Variants in CNTNAP5 observed in about 807,000 individuals in gnomAD.
The protein encoded by CNTNAP5 is contactin-associated protein-like 5.
A neutral mutation model predicts 150.2 loss-of-function variants in CNTNAP5; 72 were observed. That is an observed-to-expected ratio of 0.48 (90% CI 0.40 to 0.58). CNTNAP5 has a LOEUF of 0.58. CNTNAP5 is among the 20% of genes least tolerant of loss of function. The pLI is 0.00. For missense variants in CNTNAP5, 1,636 were observed against 1,626.2 expected (o/e 1.01, Z -0.10); for synonymous variants, 672 against 619.8 (o/e 1.08, Z -1.25).
chr2:124,638,667 C>T (rs1210260920), intron 12 of CNTNAP5, among the ~76,000 whole-genome samples: 1 of 152,128 alleles, frequency 6.6e-6, no homozygotes, highest in Non-Finnish European at 1.5e-5. Context: ...TTCCTATTGC[C>T]TTCATCTTGT....
At chr2:124,419,718 G>C (rs1247079401) in intron 4 of CNTNAP5, among the ~76,000 whole-genome samples, 1 of 152,124 alleles carries the variant, frequency 6.6e-6, no homozygotes, top group Non-Finnish European at 1.5e-5. Context: ...GCCTCAAGCA[G>C]GAACCCTATA....
intron 3 of CNTNAP5, among the ~76,000 whole-genome samples, chr2:124,353,376 AT>A (rs915087632): frequency 2.7e-5 from 4 of 147,748 alleles, no homozygotes; most frequent in Admixed American, 6.8e-5. Context: ...AAAACTGGAG[AT>A]TTTTTTTCTT....
intron 1 of CNTNAP5, among the ~76,000 whole-genome samples, chr2:124,124,051 G>A (rs1683629588): frequency 6.6e-6 from 1 of 152,188 alleles, no homozygotes; most frequent in South Asian, 2.1e-4. Context: ...AAGCTGGATG[G>A]AGAATGATTT....
In CNTNAP5 at chr2:124,660,914, A is replaced by C. The variant is rs1479725849; in HGVS notation, c.2077+12956A>C. Among the ~76,000 whole-genome samples the C allele has an allele frequency of 6.1e-5, 9 of 148,750 alleles. 1 individual carries two copies. In the Admixed American group the frequency reaches 6.1e-4, roughly 10 times the overall value. On this transcript the variant is annotated intron_variant, in intron 13 of 23. Transcript: ENST00000682447. ...AGCCAAGATTTTGCCACTGCACTCC[A>C]GTCTGGGCAACAGAGTGAGACTGGG...
chr2:124,566,611 AAACTCTAT>A (rs1315470846), intron 11 of CNTNAP5, among the ~76,000 whole-genome samples: 1 of 152,222 alleles, frequency 6.6e-6, no homozygotes, highest in Non-Finnish European at 1.5e-5. Context: ...CAACTTTGTG[AAACTCTAT>A]CTTTGCTTCT....
intron 3 of CNTNAP5, among the ~76,000 whole-genome samples, chr2:124,250,899 A>G (rs1435692052): frequency 6.6e-6 from 1 of 152,062 alleles, no homozygotes; most frequent in Non-Finnish European, 1.5e-5. Flanking sequence ...TACAGTAACC[A>G]CAAGTTTCTA....
intron 3 of CNTNAP5, among the ~76,000 whole-genome samples, chr2:124,280,677 G>GCCA (rs1309527345): frequency 6.6e-6 from 1 of 152,014 alleles, no homozygotes; most frequent in African/African-American, 2.4e-5. Flanking sequence ...GTGGCCTCTA[G>GCCA]CTTTGGAGGC....
At chr2:124,150,297 G>T (rs975629465) in intron 1 of CNTNAP5, among the ~76,000 whole-genome samples, 2 of 152,160 alleles carry the variant, frequency 1.3e-5, no homozygotes, top group Non-Finnish European at 2.9e-5. Flanking sequence ...CATGCCCAAG[G>T]TGTATATCCC....
chr2:124,356,677 GT>G (rs1264046771), intron 3 of CNTNAP5, among the ~76,000 whole-genome samples: 1 of 152,000 alleles, frequency 6.6e-6, no homozygotes, highest in Admixed American at 6.5e-5. Flanking sequence ...TGGTGTATAT[GT>G]GCCACATTTT....
chr2:124,551,937 T>C (rs1455401697), intron 10 of CNTNAP5, among the ~76,000 whole-genome samples: 2 of 150,312 alleles, frequency 1.3e-5, no homozygotes, highest in East Asian at 3.9e-4. Context: ...AGGTTGAAGA[T>C]TTTTTTAAGA....
intron 1 of CNTNAP5, among the ~76,000 whole-genome samples, chr2:124,190,801 T>A (rs1043745509): frequency 6.6e-6 from 1 of 152,220 alleles, no homozygotes; most frequent in African/African-American, 2.4e-5. Context: ...ACATATGTTG[T>A]GTATACATAT....
At chr2:124,892,832 G>A (rs983920462) in intron 21 of CNTNAP5, among the ~76,000 whole-genome samples, 2 of 152,092 alleles carry the variant, frequency 1.3e-5, no homozygotes, top group Non-Finnish European at 2.9e-5. Context: ...AGAAATCCCA[G>A]AAATATGTTT....
At chr2:124,316,825 A>G (rs868722949) in intron 3 of CNTNAP5, among the ~76,000 whole-genome samples, 112 of 149,574 alleles carry the variant, frequency 7.5e-4, no homozygotes, top group South Asian at 1.7e-3. Flanking sequence ...AAAAAAAAAA[A>G]AAAGAAAAAG....
At chr2:124,539,811 CAT>C (rs1695336790) in intron 10 of CNTNAP5, among the ~76,000 whole-genome samples, 1 of 152,182 alleles carries the variant, frequency 6.6e-6, no homozygotes, top group African/African-American at 2.4e-5. Flanking sequence ...AATTTACCTA[CAT>C]ATATAACCTA....
chr2:124,404,677 G>A (rs1691524621), intron 3 of CNTNAP5, among the ~76,000 whole-genome samples: 1 of 152,194 alleles, frequency 6.6e-6, no homozygotes, highest in African/African-American at 2.4e-5. Flanking sequence ...TCAATCCCGA[G>A]TAAGCTCTCC....
chr2:124,403,555 G>T (rs1243245516), intron 3 of CNTNAP5, among the ~76,000 whole-genome samples: 1 of 152,140 alleles, frequency 6.6e-6, no homozygotes, highest in Non-Finnish European at 1.5e-5. Context: ...TTTGAAAAAA[G>T]TACACATATT....
rs138650453 is a variant in CNTNAP5 at position 124,667,930 on chromosome 2, C to T, written c.2077+19972C>T. On this transcript the variant is annotated intron_variant, in intron 13 of 23. Coordinates refer to ENST00000682447, the MANE Select transcript of CNTNAP5 (RefSeq NM_001367498.1). Reference sequence around the variant, plus strand: ...GATCAAAGACAGTCCTTGGGAGAAACGACCCAGAGGATGAGGAATTGTCAA... The same window carrying T: ...GATCAAAGACAGTCCTTGGGAGAAATGACCCAGAGGATGAGGAATTGTCAA... Among the ~76,000 whole-genome samples, 48 of 152,274 alleles carry T rather than the reference C, an allele frequency of 3.2e-4. No individual in the cohort carries two copies. In the East Asian group the frequency reaches 7.0e-3, roughly 22 times the overall value.
chr2:124,256,127 A>C lies in CNTNAP5; in HGVS notation c.381+13734A>C, dbSNP rs72962862. 1.5e-3 allele frequency among the ~76,000 whole-genome samples: 223 copies of C among 152,246 alleles called. 1 individual carries two copies. Among genetic ancestry groups the C allele is most frequent in the African/African-American group, 5.0e-3 (207 of 41,556 alleles). On this transcript the variant is annotated intron_variant, in intron 3 of 23. Transcript: ENST00000682447. ...GCGTTTGCTCAGGAAAATATGGTAC[A>C]TTGCTTACATCTGTTGTTCTAGAGT...
intron 18 of CNTNAP5, among the ~76,000 whole-genome samples, chr2:124,793,718 T>G (rs1198378637): frequency 1.3e-5 from 2 of 152,264 alleles, no homozygotes; most frequent in African/African-American, 4.8e-5. Flanking sequence ...GGGTCCAGCT[T>G]TAGTCTTTGG....
Sources: gnomAD v4.1 joint callset for allele counts (sites outside exome capture counted in the v4.1 genomes callset) on GRCh38, gnomAD v4.1.1 for gene constraint, MANE v1.5 for transcripts, NCBI Gene and HGNC (gene_info 2026-07-23, HGNC 2026-07-21) for gene names.